The following P2RX7 variants were observed in gnomAD, a reference collection of about 807,000 sequenced individuals.
P2RX7 encodes the protein purinergic receptor P2X 7, also known as P2X purinoceptor 7.
In P2RX7, 62 loss-of-function variants were observed where a neutral mutation model predicts 71.6. That is an observed-to-expected ratio of 0.87 (90% CI 0.71 to 1.07). The LOEUF is 1.07. P2RX7 is among the 50% of genes least tolerant of loss of function. The pLI, the probability that P2RX7 is intolerant of heterozygous loss-of-function variation, is 0.00. For missense variants in P2RX7, 686 were observed against 748.5 expected (o/e 0.92, Z 0.97); for synonymous variants, 299 against 283.3 (o/e 1.06, Z -0.56).
At chr12:121,168,735 T>A (rs1417936277) in intron 8 of P2RX7, among the ~76,000 whole-genome samples, 2 of 152,154 alleles carry the variant, frequency 1.3e-5, no homozygotes, top group Non-Finnish European at 2.9e-5. Flanking sequence ...ACACTCACAC[T>A]CCATCCCTTC....
rs1018702931 is a variant in P2RX7 at position 121,154,821 on chromosome 12, A to G, written c.162A>G (p.Lys54=). 1 of 1,614,180 alleles carries G rather than the reference A, an allele frequency of 6.2e-7. No homozygotes were observed. Among genetic ancestry groups the G allele is most frequent in the Non-Finnish European group, 8.5e-7 (1 of 1,179,990 alleles). The change falls in exon 2 of 13, where the codon AAA becomes AAG. Residue 54 remains lysine (K), a synonymous_variant. Transcript: ENST00000328963. The surrounding 1 kb of genome is among the most constrained non-coding windows in gnomAD (Gnocchi z 4.2). ...ALVSDKLYQR[K]EPVISSVHTK... ...TGAGTGACAAGCTGTACCAGCGGAA[A>G]GAGCCTGTCATCAGTTCTGTGCACA...
Position 121,184,740 on chromosome 12 carries a change from A to G in P2RX7, c.1726A>G (p.Arg576Gly), listed in dbSNP as rs568161405. Residue 576 changes from arginine to glycine, a missense_variant, in exon 13 of 13, where the codon AGG (arginine) becomes GGG (glycine). Arg to Gly is a moderately radical substitution (Grantham distance 125). Coordinates refer to ENST00000328963, the MANE Select transcript of P2RX7 (RefSeq NM_002562.6). ...CATCCTGCCCAGCTGCTGCCGCTGG[A>G]GGATCCGGAAAGAGTTTCCGAAGAG... Reference protein sequence around the residue: ...FAILPSCCRWRIRKEFPKSEG... With the variant: ...FAILPSCCRWGIRKEFPKSEG... 1.2e-5 allele frequency: 18 copies of G among 1,556,618 alleles called. No homozygotes were observed. The South Asian group carries it at 2.0e-4, about 17-fold the overall frequency.
chr12:121,150,172 T>TC (rs1054383745), intron 1 of P2RX7, among the ~76,000 whole-genome samples: 2 of 152,036 alleles, frequency 1.3e-5, no homozygotes, highest in Non-Finnish European at 2.9e-5. Flanking sequence ...GATCACAGTA[T>TC]CCCCCCCGAC....
intron 1 of P2RX7, among the ~76,000 whole-genome samples, chr12:121,136,647 C>CTTTTTTT (rs66894143): frequency 3.4e-5 from 4 of 119,248 alleles, no homozygotes; most frequent in Non-Finnish European, 6.8e-5. Flanking sequence ...TTCTTTCTTT[C>CTTTTTTT]TTTTTTTTTT....
At chr12:121,170,877 C>A (rs1653617) in intron 8 of P2RX7, among the ~76,000 whole-genome samples, 1 of 151,964 alleles carries the variant, frequency 6.6e-6, no homozygotes, top group African/African-American at 2.4e-5. Flanking sequence ...ACAGGTTATA[C>A]GAGGTATTTC....
rs1327971112 is a variant in P2RX7 at position 121,156,115 on chromosome 12, A to T, written c.331A>T (p.Thr111Ser). The T allele has an allele frequency of 1.9e-6, 3 of 1,614,088 alleles. No homozygotes were observed. The Admixed American group carries it at 5.0e-5, about 27-fold the overall frequency. Residue 111 changes from threonine (T) to serine (S), a missense_variant, in exon 3 of 13, where the codon ACA (threonine) becomes TCA (serine). Transcript: ENST00000328963. ...CTTCGTGATGACAAACTTTCTCAAA[A>T]CAGAAGGCCAAGAGCAGCGGTTGTG... is the stretch of plus-strand genomic sequence containing the variant. The part of the protein sequence containing the change: ...SFFVMTNFLK[T>S]EGQEQRLCPE...
At chr12:121,164,731 A>G (rs208301) in intron 5 of P2RX7, among the ~76,000 whole-genome samples, 45,319 of 151,942 alleles carry the variant, frequency 0.3, 6,970 homozygotes, top group African/African-American at 0.33. Flanking sequence ...GCAGTGACCC[A>G]AGATCGCGCC....
chr12:121,153,697 A>G (rs1476772671), intron 1 of P2RX7, among the ~76,000 whole-genome samples: 1 of 152,060 alleles, frequency 6.6e-6, no homozygotes, highest in Non-Finnish European at 1.5e-5. Flanking sequence ...TAATAAAACA[A>G]ACCCTTTAGG....
At chr12:121,158,627 ACACT>A (rs1174503437) in intron 3 of P2RX7, among the ~76,000 whole-genome samples, 1 of 152,230 alleles carries the variant, frequency 6.6e-6, no homozygotes, top group Non-Finnish European at 1.5e-5. Context: ...AGTAGGGGAA[ACACT>A]CCACCTCTCA....
At position 121,182,267 on chromosome 12, in the gene P2RX7, T is replaced by G. The variant is rs559173675; in HGVS notation, c.1290+1812T>G. On this transcript the variant is annotated intron_variant, in intron 12 of 12. Coordinates refer to ENST00000328963, the MANE Select transcript of P2RX7 (RefSeq NM_002562.6). Reference sequence around the variant, plus strand: ...CACTAATATTTAGGATTTTTACATCTCTTCTTGAGAAAGACTGACCAAAGT... The same window carrying G: ...CACTAATATTTAGGATTTTTACATCGCTTCTTGAGAAAGACTGACCAAAGT... Among the ~76,000 whole-genome samples, 47 of 152,330 alleles carry G rather than the reference T, an allele frequency of 3.1e-4. 1 individual carries two copies. In the South Asian group the frequency reaches 4.8e-3, roughly 15 times the overall value.
intron 12 of P2RX7, among the ~76,000 whole-genome samples, chr12:121,181,404 A>C (rs1378902074): frequency 1.3e-5 from 2 of 152,168 alleles, no homozygotes; most frequent in Non-Finnish European, 2.9e-5. Flanking sequence ...CTAAGAGTGG[A>C]ATTGCTGAGT....
At position 121,177,132 on chromosome 12, in the gene P2RX7, C is replaced by T; in HGVS notation, c.973-15C>T. On this transcript the variant is annotated splice_polypyrimidine_tract_variant and intron_variant, in intron 9 of 12. Coordinates refer to ENST00000328963, the MANE Select transcript of P2RX7 (RefSeq NM_002562.6). ...CTGAATTTCACCTGAGTAAACTCTC[C>T]CACTCTGTTTTTAGGGAGGAAAATT... 1 of 1,612,480 alleles carries T rather than the reference C, an allele frequency of 6.2e-7. No homozygotes were observed. The highest frequency in any genetic ancestry group is 8.5e-7 in the Non-Finnish European group (1 of 1,178,522).
chr12:121,159,040 AACTACAAGAAAC>A (rs1879122171), intron 3 of P2RX7, among the ~76,000 whole-genome samples: 1 of 152,224 alleles, frequency 6.6e-6, no homozygotes, highest in Non-Finnish European at 1.5e-5. Context: ...AGAGTTTGAA[AACTACAAGAAAC>A]ATTCATTGAG....
chr12:121,158,074 T>C (rs374782071), intron 3 of P2RX7, among the ~76,000 whole-genome samples: 3 of 152,190 alleles, frequency 2.0e-5, no homozygotes, highest in Non-Finnish European at 4.4e-5. Context: ...CTGGTCTAAT[T>C]GGGCATTTGC....
At chr12:121,173,877 G>A (rs563815050) in intron 8 of P2RX7, among the ~76,000 whole-genome samples, 2 of 152,180 alleles carry the variant, frequency 1.3e-5, no homozygotes, top group East Asian at 3.9e-4. Flanking sequence ...CAGAGGAGAT[G>A]TAAACAACTT....
chr12:121,148,188 TTTTATTTATTTATTTATTTA>T (rs10627747), intron 1 of P2RX7, among the ~76,000 whole-genome samples: 5 of 140,414 alleles, frequency 3.6e-5, no homozygotes, highest in African/African-American at 1.1e-4. Flanking sequence ...CTGGGATCTT[TTTTATTTATTTATTTATTTA>T]TTTATTTATT....
rs190338056 is a variant in P2RX7 at position 121,149,840 on chromosome 12, G to A, written c.126-4945G>A. Among the ~76,000 whole-genome samples, 380 of 152,150 alleles carry A rather than the reference G, an allele frequency of 2.5e-3. 3 individuals carry two copies. Among genetic ancestry groups the A allele is most frequent in the African/African-American group, 7.8e-3 (325 of 41,512 alleles). The stretch of plus-strand genomic sequence containing the variant: ...CTACCTCGGTCTAACAAGTAGCTGC[G>A]AATATAGGTGCACACCACCACACCC... On this transcript the variant is annotated intron_variant, in intron 1 of 12. Coordinates refer to ENST00000328963, the MANE Select transcript of P2RX7 (RefSeq NM_002562.6). This position sits in a 1 kb window ranked among gnomAD's most constrained non-coding sequence, Gnocchi z 4.7.
intron 1 of P2RX7, among the ~76,000 whole-genome samples, chr12:121,141,422 A>G (rs371442354): frequency 1.3e-5 from 2 of 152,282 alleles, no homozygotes; most frequent in South Asian, 2.1e-4. Context: ...GGGAAGAGGA[A>G]GGAGCAGTTT....
intron 7 of P2RX7, among the ~76,000 whole-genome samples, chr12:121,167,245 T>C (rs1881268495): frequency 1.3e-5 from 2 of 151,922 alleles, no homozygotes; most frequent in Admixed American, 1.3e-4. Flanking sequence ...CTGTTGAAAG[T>C]TGTATTTTAG....
Sources: allele counts gnomAD v4.1 joint callset (sites outside exome capture counted in the v4.1 genomes callset), GRCh38; gene constraint gnomAD v4.1.1; non-coding constraint Gnocchi (gnomAD v3.1); transcripts MANE v1.5; gene names NCBI Gene and HGNC (gene_info 2026-07-23, HGNC 2026-07-21).